The following ATG16L1 variants were observed in gnomAD, a reference collection of about 807,000 sequenced individuals.
The protein encoded by ATG16L1 is autophagy-related protein 16-1.
In ATG16L1, 37 loss-of-function variants were observed where a neutral mutation model predicts 88.5. That is an observed-to-expected ratio of 0.42 (90% CI 0.32 to 0.55). The LOEUF (loss-of-function observed/expected upper bound fraction) is 0.55. Ranked by LOEUF, ATG16L1 falls within the 20% of genes least tolerant of loss-of-function variation. The pLI is 0.13. For missense variants in ATG16L1, 554 were observed against 752.8 expected, an observed-to-expected ratio of 0.74 and a Z score of 3.09; for synonymous variants, 301 against 281.0, an observed-to-expected ratio of 1.07 and a Z score of -0.71.
At chr2:233,263,952 A>G (rs775608257) in intron 3 of ATG16L1, 40 bp from the exon 4 acceptor site, 3 of 1,604,042 alleles carry the variant, frequency 1.9e-6, no homozygotes, top group African/African-American at 2.7e-5. Flanking sequence ...ATGAGGTCCT[A>G]AAATTTTTAT....
chr2:233,286,180 G>A (rs1157986543), intron 12 of ATG16L1, among the ~76,000 whole-genome samples: 3 of 152,118 alleles, frequency 2.0e-5, no homozygotes, highest in Admixed American at 6.6e-5. Context: ...TTTGGTTGGT[G>A]TTATGTTAGC....
rs1553609005 is a variant in ATG16L1 at position 233,289,408 on chromosome 2, T to TGAGAGAGAGA, written c.1204-444_1204-443insGAGAGAGAGA. 1.6e-3 allele frequency among the ~76,000 whole-genome samples: 246 copies of TGAGAGAGAGA among 149,650 alleles called. 3 individuals carry two copies. Among genetic ancestry groups the TGAGAGAGAGA allele is most frequent in the African/African-American group, 5.8e-3 (235 of 40,246 alleles). On this transcript the variant is annotated intron_variant, in intron 12 of 17. Transcript: ENST00000392017. ...GTGTGTGTGTGTGTGTGTGTGTGTGTGACAGGATCTTGCTATCACTCAGGT... is the reference window on the plus strand; with the variant it reads ...GTGTGTGTGTGTGTGTGTGTGTGTGTGAGAGAGAGAGACAGGATCTTGCTATCACTCAGGT...
In ATG16L1 at chr2:233,284,376, G is replaced by C. The variant is rs563517671; in HGVS notation, c.1203+1623G>C. Among the ~76,000 whole-genome samples the C allele has an allele frequency of 3.3e-5, 5 of 152,212 alleles. No homozygotes were observed. The South Asian group carries it at 1.0e-3, about 32-fold the overall frequency. On this transcript the variant is annotated intron_variant, in intron 12 of 17. Coordinates refer to ENST00000392017, the MANE Select transcript of ATG16L1 (RefSeq NM_030803.7). ...AGATGGAGTCTTGCTCTGTCGCCCA[G>C]GCTAGAGTGCAGTGGCATGATCTCG...
chr2:233,273,279 A>C, intron 7 of ATG16L1: 2 of 543,538 alleles, frequency 3.7e-6, no homozygotes, highest in South Asian at 4.9e-5. Context: ...AAATACAAAA[A>C]AATGTAGTGG....
In ATG16L1 at chr2:233,294,347, C is replaced by G; in HGVS notation, c.1821C>G (p.Tyr607Ter). 6.2e-7 allele frequency: 1 copy of G among 1,613,112 alleles called. No homozygotes were observed. Among genetic ancestry groups the G allele is most frequent in the East Asian group, 2.2e-5 (1 of 44,866 alleles). ...GCAAAGCTGTGCTGTGGGCACAGTACTGACGGGGCTCTCAGGGCTGGGAGG... is the reference window on the plus strand; with the variant it reads ...GCAAAGCTGTGCTGTGGGCACAGTAGTGACGGGGCTCTCAGGGCTGGGAGG... ...KGCKAVLWAQ[Y>*] Residue 607 changes from tyrosine to a stop codon, truncating the protein, a stop_gained, in exon 18 of 18, where the codon TAC becomes TAG. Transcript: ENST00000392017. LOFTEE classifies it high-confidence loss of function.
Position 233,294,839 on chromosome 2 carries a change from A to ACC in ATG16L1, c.*492_*493dup, listed in dbSNP as rs1013647573. ...ATTAACGGAAACTCCCGAACTACAGACCCCTCCCTGGTGGGTTGCATGAAT... is the reference window on the plus strand; with the variant it reads ...ATTAACGGAAACTCCCGAACTACAGACCCCCCTCCCTGGTGGGTTGCATGAAT... On this transcript the variant is annotated 3_prime_UTR_variant, in exon 18 of 18. Coordinates refer to ENST00000392017, the MANE Select transcript of ATG16L1 (RefSeq NM_030803.7). 1 of 152,486 alleles carries ACC rather than the reference A, an allele frequency of 6.6e-6. No individual in the cohort carries two copies. Among genetic ancestry groups the ACC allele is most frequent in the Non-Finnish European group, 1.5e-5 (1 of 68,114 alleles). 9.4% of individuals were successfully genotyped at this position (152,486 alleles called of 1,614,324 possible). A position where few individuals can be genotyped will look rare whatever the true frequency, so the allele number is the denominator to read the frequency against.
chr2:233,261,634 A>AG (rs1697221109), intron 2 of ATG16L1, among the ~76,000 whole-genome samples: 1 of 151,710 alleles, frequency 6.6e-6, no homozygotes, highest in African/African-American at 2.4e-5. Context: ...GGTCATATGG[A>AG]GGGGGCAGTT....
At chr2:233,259,487 T>A (rs1261727978) in intron 2 of ATG16L1, among the ~76,000 whole-genome samples, 1 of 152,140 alleles carries the variant, frequency 6.6e-6, no homozygotes, top group East Asian at 1.9e-4. Flanking sequence ...TGAGCCACAG[T>A]CAGTTATTAT....
intron 12 of ATG16L1, among the ~76,000 whole-genome samples, chr2:233,284,929 G>C (rs1025992425): frequency 6.6e-6 from 1 of 152,228 alleles, no homozygotes; most frequent in African/African-American, 2.4e-5. Context: ...ACAATTTAAA[G>C]AAGATCCAGG....
At chr2:233,269,746 C>A (rs1442017775) in intron 5 of ATG16L1, among the ~76,000 whole-genome samples, 1 of 152,232 alleles carries the variant, frequency 6.6e-6, no homozygotes, top group Non-Finnish European at 1.5e-5. Flanking sequence ...GGCAGGCCTC[C>A]TCCTTTGCCA....
rs1292806088 is a variant in ATG16L1 at position 233,295,254 on chromosome 2, A to C, written c.*904A>C. On this transcript the variant is annotated 3_prime_UTR_variant, in exon 18 of 18. Coordinates refer to ENST00000392017, the MANE Select transcript of ATG16L1 (RefSeq NM_030803.7). Reference sequence around the variant, plus strand: ...GCAAGAAGCCTAGGCTCAGAAGCACAGCAGCGCCATCTTTCCGTTTCAGGG... The same window carrying C: ...GCAAGAAGCCTAGGCTCAGAAGCACCGCAGCGCCATCTTTCCGTTTCAGGG... The C allele has an allele frequency of 6.5e-6, 1 of 152,822 alleles. No homozygotes were observed. The highest frequency in any genetic ancestry group is 1.5e-5 in the Non-Finnish European group (1 of 68,046). 9.5% of individuals were successfully genotyped at this position (152,822 alleles called of 1,614,324 possible). A position where few individuals can be genotyped will look rare whatever the true frequency, so the allele number is the denominator to read the frequency against.
At chr2:233,279,382 A>T (rs1262219844) in intron 10 of ATG16L1, among the ~76,000 whole-genome samples, 2 of 152,294 alleles carry the variant, frequency 1.3e-5, no homozygotes, top group Admixed American at 6.5e-5. Context: ...AACGAACATC[A>T]GTTGAAGTTA....
chr2:233,263,745 TGAG>T (rs1468772287), intron 3 of ATG16L1, among the ~76,000 whole-genome samples: 1 of 152,162 alleles, frequency 6.6e-6, no homozygotes, highest in African/African-American at 2.4e-5. Context: ...TAGCTGAAGT[TGAG>T]GAGTAGACAG....
At chr2:233,274,094 T>A in intron 8 of ATG16L1, 1 of 1,496,808 alleles carries the variant, frequency 6.7e-7, no homozygotes, top group Non-Finnish European at 9.1e-7. Context: ...TCCTTAACAA[T>A]TATGCCAATC....
intron 4 of ATG16L1, among the ~76,000 whole-genome samples, chr2:233,264,398 G>A (rs780195870): frequency 6.6e-6 from 1 of 152,158 alleles, no homozygotes; most frequent in Non-Finnish European, 1.5e-5. Flanking sequence ...ATAGCTGAGC[G>A]CATGGCCCTT....
chr2:233,269,984 T>C lies in ATG16L1; in HGVS notation c.642-18T>C. 6.4e-7 allele frequency: 1 copy of C among 1,571,218 alleles called. No individual in the cohort carries two copies. The highest frequency in any genetic ancestry group is 8.6e-7 in the Non-Finnish European group (1 of 1,166,052). On this transcript the variant is annotated intron_variant, in intron 5 of 17. Transcript: ENST00000392017. Reference sequence around the variant, plus strand: ...AGCAGACATAAATGGTGGGCTTTTTTTTTTTTTTTCCCAACAGGAGGCGGC... The same window carrying C: ...AGCAGACATAAATGGTGGGCTTTTTCTTTTTTTTTCCCAACAGGAGGCGGC...
intron 8 of ATG16L1, chr2:233,274,058 C>T (rs1217203438): frequency 6.5e-7 from 1 of 1,548,374 alleles, no homozygotes; most frequent in Non-Finnish European, 8.7e-7. Flanking sequence ...CTATTATCCT[C>T]TCTTAGTCCA....
chr2:233,263,963 T>A, intron 3 of ATG16L1, 29 bp from the exon 4 acceptor site: 1 of 1,610,194 alleles, frequency 6.2e-7, no homozygotes, highest in Non-Finnish European at 8.5e-7. Flanking sequence ...AAATTTTTAT[T>A]TATGAAAGTA....
At position 233,294,428 on chromosome 2, in the gene ATG16L1, G is replaced by A. The variant is rs940442406; in HGVS notation, c.*78G>A. ...GGGCTCCTGCAGCCCTGTCCTGGCA[G>A]GTGATGTGCTGGGTATAGCATGGAC... On this transcript the variant is annotated 3_prime_UTR_variant, in exon 18 of 18. Coordinates refer to ENST00000392017, the MANE Select transcript of ATG16L1 (RefSeq NM_030803.7). 1 of 1,211,770 alleles carries A rather than the reference G, an allele frequency of 8.3e-7. No individual in the cohort carries two copies. The highest frequency in any genetic ancestry group is 1.2e-6 in the Non-Finnish European group (1 of 838,642). 75.1% of individuals were successfully genotyped at this position (1,211,770 alleles called of 1,614,324 possible). A position where few individuals can be genotyped will look rare whatever the true frequency, so the allele number is the denominator to read the frequency against.
Sources: gnomAD v4.1 joint callset for allele counts (sites outside exome capture counted in the v4.1 genomes callset) on GRCh38, gnomAD v4.1.1 for gene constraint, MANE v1.5 for transcripts, NCBI Gene and HGNC (gene_info 2026-07-23, HGNC 2026-07-21) for gene names.